GJA1: variants seen among roughly 807,000 people sequenced by gnomAD.
GJA1 encodes the protein gap junction alpha-1 protein.
A neutral mutation model predicts 31.0 loss-of-function variants in GJA1; 9 were observed. That is an observed-to-expected ratio of 0.29 (90% confidence interval 0.17 to 0.51). GJA1 has a LOEUF of 0.51. Ranked by LOEUF, GJA1 falls within the 20% of genes least tolerant of loss-of-function variation. The pLI, the probability that GJA1 is intolerant of heterozygous loss-of-function variation, is 0.98. For missense variants in GJA1, 278 were observed against 468.8 expected (o/e 0.59, Z 3.76); for synonymous variants, 186 against 180.1 (o/e 1.03, Z -0.26).
In GJA1 at chr6:121,448,278, G is replaced by A; in HGVS notation, c.*282G>A. The A allele has an allele frequency of 4.1e-6, 2 of 487,786 alleles. No homozygotes were observed. The highest frequency in any genetic ancestry group is 4.5e-5 in the South Asian group (2 of 44,058). 30.2% of individuals were successfully genotyped at this position (487,786 alleles called of 1,614,324 possible). A position where few individuals can be genotyped will look rare whatever the true frequency, so the allele number is the denominator to read the frequency against. On this transcript the variant is annotated 3_prime_UTR_variant, in exon 2 of 2. Coordinates refer to ENST00000282561, the MANE Select transcript of GJA1 (RefSeq NM_000165.5). Reference sequence around the variant, plus strand: ...TAAGAGTTCCATTAGGTGATACATAGATAAGGGCTTTTTCTCCCCGCAAAC... The same window carrying A: ...TAAGAGTTCCATTAGGTGATACATAAATAAGGGCTTTTTCTCCCCGCAAAC...
At chr6:121,438,223 G>A (rs1039741240) in intron 1 of GJA1, among the ~76,000 whole-genome samples, 4 of 152,204 alleles carry the variant, frequency 2.6e-5, no homozygotes, top group African/African-American at 9.7e-5. Flanking sequence ...GGAAAATGCA[G>A]TGTTAGTGCT....
At chr6:121,442,918 CCT>C in intron 1 of GJA1, among the ~76,000 whole-genome samples, 1 of 152,196 alleles carries the variant, frequency 6.6e-6, no homozygotes, top group African/African-American at 2.4e-5. Context: ...TTGCACAACT[CCT>C]CTTAGACAGA....
intron 1 of GJA1, among the ~76,000 whole-genome samples, chr6:121,443,554 T>A (rs575042573): frequency 4.1e-4 from 62 of 152,320 alleles, no homozygotes; most frequent in South Asian, 3.7e-3. Context: ...GTGGAGTGTT[T>A]TTGTAGAATC....
intron 1 of GJA1, among the ~76,000 whole-genome samples, chr6:121,436,938 T>C (rs1341651683): frequency 3.3e-5 from 5 of 152,272 alleles, no homozygotes; most frequent in African/African-American, 4.8e-5. Context: ...CCATGCATTT[T>C]TGTGCCCGGT....
chr6:121,437,956 C>T (rs1773696889), intron 1 of GJA1, among the ~76,000 whole-genome samples: 1 of 152,096 alleles, frequency 6.6e-6, no homozygotes, highest in Non-Finnish European at 1.5e-5. Context: ...ATTAAAGCGT[C>T]TAGTAATGCA....
intron 1 of GJA1, among the ~76,000 whole-genome samples, chr6:121,444,638 C>T (rs956555596): frequency 6.6e-6 from 1 of 152,198 alleles, no homozygotes; most frequent in Non-Finnish European, 1.5e-5. Context: ...AGTTCAACAC[C>T]AGAAGAGAAA....
intron 1 of GJA1, among the ~76,000 whole-genome samples, chr6:121,443,919 A>C (rs1490605563): frequency 6.6e-6 from 1 of 152,172 alleles, no homozygotes; most frequent in African/African-American, 2.4e-5. Context: ...CTGGCAAAAT[A>C]CTGTAATTTT....
chr6:121,440,954 T>C (rs968897283), intron 1 of GJA1, among the ~76,000 whole-genome samples: 41 of 150,708 alleles, frequency 2.7e-4, no homozygotes, highest in Non-Finnish European at 1.0e-4. Flanking sequence ...TTGTCGTTTT[T>C]TTCTTTGAGA....
chr6:121,446,263 C>T (rs1197691614), intron 1 of GJA1, among the ~76,000 whole-genome samples: 1 of 151,500 alleles, frequency 6.6e-6, no homozygotes, highest in African/African-American at 2.4e-5. Context: ...CCATTGCACT[C>T]CAGCCTGGGC....
chr6:121,441,018 C>G (rs1044986699), intron 1 of GJA1, among the ~76,000 whole-genome samples: 1 of 152,100 alleles, frequency 6.6e-6, no homozygotes, highest in Non-Finnish European at 1.5e-5. Context: ...TCCCGGCTCA[C>G]TGCAAGCTCC....
At chr6:121,440,180 G>C (rs535782362) in intron 1 of GJA1, among the ~76,000 whole-genome samples, 46 of 151,962 alleles carry the variant, frequency 3.0e-4, no homozygotes, top group Non-Finnish European at 5.4e-4. Context: ...GTAGAACTAG[G>C]GGACAACCAC....
chr6:121,436,125 CATTTT>C (rs1419878831), intron 1 of GJA1, among the ~76,000 whole-genome samples: 1 of 105,004 alleles, frequency 9.5e-6, no homozygotes, highest in Non-Finnish European at 1.8e-5. Flanking sequence ...TTTAGAGTAT[CATTTT>C]ATTTTGTTTT....
At chr6:121,436,328 G>C (rs1773663351) in intron 1 of GJA1, among the ~76,000 whole-genome samples, 7 of 152,070 alleles carry the variant, frequency 4.6e-5, no homozygotes. Context: ...AATCTTGATT[G>C]ATGTTCTATA....
chr6:121,448,699 A>G lies in GJA1; in HGVS notation c.*703A>G, dbSNP rs919047758. On this transcript the variant is annotated 3_prime_UTR_variant, in exon 2 of 2. Coordinates refer to ENST00000282561, the MANE Select transcript of GJA1 (RefSeq NM_000165.5). ...ACTTTTTCATCATTCCTCAGCTACT[A>G]CTCACATTCATTTAATGGTTTCTGT... 4 of 167,106 alleles carry G rather than the reference A, an allele frequency of 2.4e-5. No individual in the cohort carries two copies. Among genetic ancestry groups the G allele is most frequent in the Non-Finnish European group, 5.9e-5 (4 of 68,346 alleles). 10.4% of individuals were successfully genotyped at this position (167,106 alleles called of 1,614,324 possible). A position where few individuals can be genotyped will look rare whatever the true frequency, so the allele number is the denominator to read the frequency against.
At chr6:121,444,784 G>T (rs991358361) in intron 1 of GJA1, among the ~76,000 whole-genome samples, 3 of 152,106 alleles carry the variant, frequency 2.0e-5, no homozygotes. Flanking sequence ...AACAATCTTT[G>T]ACTAATTTGT....
At chr6:121,442,964 C>A (rs1235808868) in intron 1 of GJA1, among the ~76,000 whole-genome samples, 1 of 152,166 alleles carries the variant, frequency 6.6e-6, no homozygotes, top group African/African-American at 2.4e-5. Context: ...AACTCAGTAT[C>A]CTAGAGGTGA....
In GJA1 at chr6:121,447,984, C is replaced by A. The variant is rs762665963; in HGVS notation, c.1137C>A (p.Asp379Glu). The change falls in exon 2 of 2, where the codon GAC (aspartate) becomes GAA (glutamate). Residue 379 changes from aspartate to glutamate, a missense_variant. Asp to Glu is a conservative substitution (Grantham distance 45). Transcript: ENST00000282561. ...SRASSRPRPDDLEI is the reference protein window; with the variant it reads ...SRASSRPRPDELEI ...CCAGCAGCAGACCTCGGCCTGATGA[C>A]CTGGAGATCTAGATACAGGCTTGAA... The A allele has an allele frequency of 3.7e-6, 6 of 1,612,028 alleles. No individual in the cohort carries two copies. The Admixed American group carries it at 6.8e-5, about 18-fold the overall frequency.
At chr6:121,444,730 C>T (rs1342468965) in intron 1 of GJA1, among the ~76,000 whole-genome samples, 1 of 152,176 alleles carries the variant, frequency 6.6e-6, no homozygotes. Flanking sequence ...GAATTCATTA[C>T]TAAGCTCCTG....
chr6:121,441,718 G>T (rs1321496643), intron 1 of GJA1, among the ~76,000 whole-genome samples: 4 of 152,080 alleles, frequency 2.6e-5, no homozygotes, highest in Non-Finnish European at 5.9e-5. Context: ...CAAGCTGATT[G>T]TTGGTTTGTT....
Sources: allele counts gnomAD v4.1 joint callset (sites outside exome capture counted in the v4.1 genomes callset), GRCh38; gene constraint gnomAD v4.1.1; transcripts MANE v1.5; gene names NCBI Gene and HGNC (gene_info 2026-07-23, HGNC 2026-07-21).